Variants in PHLPP1 observed in about 807,000 individuals in gnomAD.
The protein encoded by PHLPP1 is PH domain and leucine rich repeat protein phosphatase 1.
A neutral mutation model predicts 117.2 loss-of-function variants in PHLPP1; 42 were observed. That is an observed-to-expected ratio of 0.36 (90% CI 0.28 to 0.46). The LOEUF (loss-of-function observed/expected upper bound fraction) is 0.46, where lower values mean the gene tolerates loss of function less well. PHLPP1 is among the 20% of genes least tolerant of loss of function. The probability of loss-of-function intolerance (pLI) is 1.00; values close to 1 mark genes in which losing one functional copy is unlikely to be tolerated. For synonymous variants in PHLPP1, 1,042 were observed against 970.7 expected, an observed-to-expected ratio of 1.07 and a Z score of -1.37; for missense variants, 2,084 against 2,241.9, an observed-to-expected ratio of 0.93 and a Z score of 1.42.
intron 6 of PHLPP1, among the ~76,000 whole-genome samples, chr18:62,899,614 A>G (rs570711810): frequency 1.4e-4 from 22 of 152,116 alleles, no homozygotes; most frequent in Non-Finnish European, 2.9e-4. Flanking sequence ...CTCCTTACTA[A>G]ATTGTGAAAT....
chr18:62,947,388 T>C (rs1302622371), intron 12 of PHLPP1, among the ~76,000 whole-genome samples: 1 of 152,248 alleles, frequency 6.6e-6, no homozygotes, highest in Non-Finnish European at 1.5e-5. Context: ...AGAGCAACTA[T>C]TTTGGCTGAA....
chr18:62,864,279 C>G (rs533924580), intron 4 of PHLPP1, among the ~76,000 whole-genome samples: 9 of 152,332 alleles, frequency 5.9e-5, no homozygotes, highest in Non-Finnish European at 1.0e-4. Context: ...ACCTCGGCCT[C>G]CCAAAGTACT....
At chr18:62,837,028 T>C (rs1306865743) in intron 2 of PHLPP1, among the ~76,000 whole-genome samples, 1 of 152,206 alleles carries the variant, frequency 6.6e-6, no homozygotes, top group African/African-American at 2.4e-5. Flanking sequence ...ATTGTACAGG[T>C]TGGAGTGCAG....
At chr18:62,867,762 A>G (rs984373103) in intron 4 of PHLPP1, among the ~76,000 whole-genome samples, 7 of 152,068 alleles carry the variant, frequency 4.6e-5, no homozygotes, top group African/African-American at 1.4e-4. Flanking sequence ...ATGCATGCCA[A>G]GATTTAGGGT....
At chr18:62,776,030 A>G (rs1176670583) in intron 1 of PHLPP1, among the ~76,000 whole-genome samples, 4 of 152,098 alleles carry the variant, frequency 2.6e-5, no homozygotes, top group African/African-American at 9.7e-5. Flanking sequence ...ATCTATGTCT[A>G]TACATAGGCA....
intron 1 of PHLPP1, among the ~76,000 whole-genome samples, chr18:62,744,029 C>T (rs1184140852): frequency 2.0e-5 from 3 of 152,198 alleles, no homozygotes; most frequent in African/African-American, 7.2e-5. Flanking sequence ...TGCCGTGGGA[C>T]ACATGTGGCT....
At chr18:62,822,205 G>A (rs1304313903) in intron 1 of PHLPP1, among the ~76,000 whole-genome samples, 1 of 151,244 alleles carries the variant, frequency 6.6e-6, no homozygotes, top group African/African-American at 2.4e-5. Context: ...AGATAACTTG[G>A]CAAGTTAGGA....
intron 12 of PHLPP1, among the ~76,000 whole-genome samples, chr18:62,947,323 C>G (rs1910325739): frequency 6.6e-6 from 1 of 152,176 alleles, no homozygotes. Context: ...TAAATGTTAG[C>G]CATTATTAAT....
chr18:62,956,626 GA>G (rs969325527), intron 12 of PHLPP1, among the ~76,000 whole-genome samples: 4 of 148,996 alleles, frequency 2.7e-5, no homozygotes, highest in Middle Eastern at 3.2e-3. Context: ...AGACTATAAG[GA>G]AAAAAAAACA....
At chr18:62,878,722 C>A (rs1916104593) in intron 4 of PHLPP1, among the ~76,000 whole-genome samples, 1 of 152,042 alleles carries the variant, frequency 6.6e-6, no homozygotes, top group Non-Finnish European at 1.5e-5. Context: ...TTCTAAATAG[C>A]TGTTTTTTTC....
chr18:62,971,929 AG>A (rs1299673472), intron 14 of PHLPP1, among the ~76,000 whole-genome samples: 1 of 152,050 alleles, frequency 6.6e-6, no homozygotes, highest in African/African-American at 2.4e-5. Flanking sequence ...CTAGCTACTC[AG>A]GAGGCTGAGG....
intron 3 of PHLPP1, among the ~76,000 whole-genome samples, chr18:62,852,908 G>A (rs1368805532): frequency 6.6e-6 from 1 of 152,176 alleles, no homozygotes; most frequent in Non-Finnish European, 1.5e-5. Flanking sequence ...CTCTTGCAAG[G>A]GAAGATGAGA....
Position 62,717,272 on chromosome 18 carries a change from C to G in PHLPP1, c.1576+13C>G, listed in dbSNP as rs372635643. The G allele has an allele frequency of 1.3e-6, 2 of 1,553,664 alleles. No individual in the cohort carries two copies. The highest frequency in any genetic ancestry group is 1.7e-6 in the Non-Finnish European group (2 of 1,146,752). On this transcript the variant is annotated intron_variant, in intron 1 of 16. Transcript: ENST00000262719. ...CGCTTCTATGCAGGTAAGGAAGTCA[C>G]CTGCCTTGACGGGTGGTTGCAAAAG...
intron 4 of PHLPP1, among the ~76,000 whole-genome samples, chr18:62,879,506 G>A (rs1465215778): frequency 6.6e-6 from 1 of 151,906 alleles, no homozygotes; most frequent in Non-Finnish European, 1.5e-5. Flanking sequence ...CCGCCTCCTG[G>A]GTTCAAGCGA....
chr18:62,931,316 C>T (rs1415453490), intron 10 of PHLPP1, among the ~76,000 whole-genome samples: 1 of 151,762 alleles, frequency 6.6e-6, no homozygotes, highest in East Asian at 1.9e-4. Context: ...AAAATAGAGA[C>T]ACAATATACC....
At chr18:62,788,584 A>C (rs918650953) in intron 1 of PHLPP1, among the ~76,000 whole-genome samples, 3 of 151,818 alleles carry the variant, frequency 2.0e-5, no homozygotes, top group African/African-American at 7.3e-5. Context: ...TGTTTTTGTC[A>C]AAGAGCTGTT....
At position 62,963,417 on chromosome 18, in the gene PHLPP1, G is replaced by A. The variant is rs901673793; in HGVS notation, c.3505G>A (p.Gly1169Arg). 5.6e-6 allele frequency: 9 copies of A among 1,613,330 alleles called. No homozygotes were observed. The East Asian group carries it at 6.7e-5, about 12-fold the overall frequency. The change falls in exon 14 of 17, where the codon GGA becomes AGA. Residue 1169 changes from glycine to arginine, a missense_variant. Gly to Arg is a moderately radical substitution (Grantham distance 125). This residue lies in a region of PHLPP1 where 1,365 missense variants were observed against 1,605.9 expected (regional missense o/e 0.85). Transcript: ENST00000262719. ...IDQPSTGDAS[G>R]APAVWSHGYT... ...TCAGCCTTCTACAGGAGACGCTTCC[G>A]GAGCCCCAGCTGTATGGAGTCATGG...
intron 1 of PHLPP1, among the ~76,000 whole-genome samples, chr18:62,772,248 A>T (rs919695821): frequency 6.6e-6 from 1 of 152,232 alleles, no homozygotes; most frequent in African/African-American, 2.4e-5. Flanking sequence ...GTAATGCAAT[A>T]AGAAAACTAA....
intron 1 of PHLPP1, among the ~76,000 whole-genome samples, chr18:62,717,744 A>C (rs974858924): frequency 6.6e-6 from 1 of 152,272 alleles, no homozygotes; most frequent in African/African-American, 2.4e-5. Context: ...TGACTTGTCA[A>C]CTGGTGCCTT....
Sources: gnomAD v4.1 joint callset for allele counts (sites outside exome capture counted in the v4.1 genomes callset) on GRCh38, gnomAD v4.1.1 for gene constraint, gnomAD v4.1.1 regional missense constraint, MANE v1.5 for transcripts, NCBI Gene and HGNC (gene_info 2026-07-23, HGNC 2026-07-21) for gene names.